MPP7: variants seen among roughly 807,000 people sequenced by gnomAD.
MPP7 encodes the protein MAGUK p55 scaffold protein 7, also known as MAGUK p55 subfamily member 7.
MPP7 carries 60 observed loss-of-function variants against 76.5 expected under a neutral mutation model. The ratio of observed to expected loss-of-function variants is 0.78; its 90% CI spans 0.64 to 0.97. The LOEUF (loss-of-function observed/expected upper bound fraction) is 0.97, where lower values mean the gene tolerates loss of function less well. MPP7 is among the 50% of genes least tolerant of loss of function. MPP7 has a pLI of 0.00. For missense variants in MPP7, 641 were observed against 694.0 expected (o/e 0.92, Z 0.86); for synonymous variants, 237 against 244.5 (o/e 0.97, Z 0.29).
intron 2 of MPP7, among the ~76,000 whole-genome samples, chr10:28,224,053 T>C (rs1210921751): frequency 4.6e-5 from 7 of 151,366 alleles, no homozygotes. Flanking sequence ...AAAATTAGCG[T>C]ACACGCCTAT....
chr10:28,276,296 G>A (rs980057230), intron 1 of MPP7, among the ~76,000 whole-genome samples: 4 of 152,084 alleles, frequency 2.6e-5, no homozygotes, highest in Non-Finnish European at 5.9e-5. Flanking sequence ...CTCCCAGAGT[G>A]CTGGGATTAC....
chr10:28,223,726 T>C (rs980646570), intron 2 of MPP7, among the ~76,000 whole-genome samples: 1 of 152,078 alleles, frequency 6.6e-6, no homozygotes, highest in African/African-American at 2.4e-5. Context: ...TGAGTATTTC[T>C]GATCTGAGTC....
At chr10:28,265,388 A>G (rs953452395) in intron 1 of MPP7, among the ~76,000 whole-genome samples, 62 of 152,228 alleles carry the variant, frequency 4.1e-4, no homozygotes, top group African/African-American at 1.4e-3. Context: ...GCGAAACCCC[A>G]TCTCCACAAA....
intron 2 of MPP7, among the ~76,000 whole-genome samples, chr10:28,211,462 TAGAG>T (rs962143389): frequency 6.8e-6 from 1 of 147,724 alleles, no homozygotes; most frequent in African/African-American, 2.5e-5. Context: ...TATATATATA[TAGAG>T]AGAGAGAGAG....
chr10:28,081,825 T>C (rs1852777385), intron 12 of MPP7, among the ~76,000 whole-genome samples: 1 of 151,370 alleles, frequency 6.6e-6, no homozygotes, highest in East Asian at 1.9e-4. Flanking sequence ...CAGTCTCGGC[T>C]CAGTGCAACC....
intron 7 of MPP7, among the ~76,000 whole-genome samples, 173 bp downstream of exon 7, chr10:28,124,837 G>A (rs912830202): frequency 2.6e-5 from 4 of 152,002 alleles, no homozygotes; most frequent in African/African-American, 9.7e-5. Context: ...ATAGAGTAAT[G>A]TTTATCTATC....
At chr10:28,142,449 G>A (rs778517368) in intron 5 of MPP7, among the ~76,000 whole-genome samples, 4 of 152,146 alleles carry the variant, frequency 2.6e-5, no homozygotes, top group African/African-American at 4.8e-5. Flanking sequence ...TATTAGTTGG[G>A]GCTGTGCATG....
chr10:28,071,456 C>G (rs747835458), intron 12 of MPP7, among the ~76,000 whole-genome samples: 1 of 152,146 alleles, frequency 6.6e-6, no homozygotes, highest in Non-Finnish European at 1.5e-5. Flanking sequence ...CTCCACACTG[C>G]TGTCCAGTAT....
intron 2 of MPP7, among the ~76,000 whole-genome samples, chr10:28,314,999 T>G (rs1841310224): frequency 6.6e-6 from 1 of 151,796 alleles, no homozygotes; most frequent in Admixed American, 6.6e-5. Context: ...AATATAAAAA[T>G]TAGCCAGGTG....
intron 1 of MPP7, among the ~76,000 whole-genome samples, chr10:28,268,906 G>A (rs1384703964): frequency 8.6e-5 from 13 of 151,010 alleles, no homozygotes; most frequent in Admixed American, 4.6e-4. Context: ...GCAACAGACC[G>A]AGACTCCGTC....
intron 2 of MPP7, among the ~76,000 whole-genome samples, chr10:28,321,948 CGTGTGTGTGTGTGTGTGTGTGT>C (rs3064171): frequency 7.0e-6 from 1 of 143,366 alleles, no homozygotes; most frequent in Non-Finnish European, 1.5e-5. Context: ...TTTTTGTAGA[CGTGTGTGTGTGTGTGTGTGTGT>C]GTGTGTGTGT....
rs532511933 is a variant in MPP7, at chr10:28,254,093, G to T, written c.-131-15358C>A. 2.9e-4 allele frequency among the ~76,000 whole-genome samples: 42 copies of T among 143,036 alleles called. 1 individual carries two copies. The highest frequency in any genetic ancestry group is 7.5e-3 in the Middle Eastern group (2 of 268). 93.8% of individuals were successfully genotyped at this position (143,036 alleles called of 152,430 possible). The stretch of plus-strand genomic sequence containing the variant: ...CATTCAATTGCACTATAATCTCCTT[G>T]AATTAACAAAATGGGACAATGTTTC... On this transcript the variant is annotated intron_variant, in intron 1 of 16. Coordinates refer to ENST00000683449, the MANE Select transcript of MPP7 (RefSeq NM_001318170.2).
chr10:28,163,118 G>A lies in MPP7; in HGVS notation c.157-13059C>T, dbSNP rs574368437. 3.3e-5 allele frequency among the ~76,000 whole-genome samples: 5 copies of A among 152,126 alleles called. No homozygotes were observed. The South Asian group carries it at 1.0e-3, about 32-fold the overall frequency. ...TGAGGGTAGTGAAGGGGTGGAGGAA[G>A]GCATGAATCCACCCAGCACACAGCA... On this transcript the variant is annotated intron_variant, in intron 3 of 16. Coordinates refer to ENST00000683449, the MANE Select transcript of MPP7 (RefSeq NM_001318170.2).
chr10:28,119,646 C>G lies in MPP7; in HGVS notation c.952+5G>C. The G allele has an allele frequency of 6.2e-7, 1 of 1,612,344 alleles. No individual in the cohort carries two copies. Among genetic ancestry groups the G allele is most frequent in the Non-Finnish European group, 8.5e-7 (1 of 1,178,580 alleles). On this transcript the variant is annotated splice_donor_5th_base_variant and intron_variant, in intron 11 of 16. Coordinates refer to ENST00000683449, the MANE Select transcript of MPP7 (RefSeq NM_001318170.2). ...GTTTCTCTGCATTCTTATTAACAAA[C>G]TTACATGATTTCCTGTTGGAAACTT...
intron 5 of MPP7, among the ~76,000 whole-genome samples, chr10:28,138,917 A>G (rs1178363968): frequency 7.2e-5 from 11 of 152,202 alleles, no homozygotes; most frequent in Non-Finnish European, 1.5e-5. Flanking sequence ...TTGCAATCAC[A>G]GTGCTATGTG....
At chr10:28,262,259 GTATATATATATAT>G (rs1840008669) in intron 1 of MPP7, among the ~76,000 whole-genome samples, 1 of 13,846 alleles carries the variant, frequency 7.2e-5, no homozygotes, top group South Asian at 6.3e-3. Context: ...ATATATATAT[GTATATATATATAT>G]ATATATTTTT....
intron 1 of MPP7, among the ~76,000 whole-genome samples, chr10:28,279,784 C>T (rs41406248): frequency 0.098 from 14,833 of 151,916 alleles, 921 homozygotes; most frequent in South Asian, 0.16. Flanking sequence ...AGTTTAAGGA[C>T]GGAATTCCTA....
intron 2 of MPP7, among the ~76,000 whole-genome samples, chr10:28,329,358 A>G (rs1327940747): frequency 6.6e-6 from 1 of 152,028 alleles, no homozygotes; most frequent in African/African-American, 2.4e-5. Flanking sequence ...AAAAACCACT[A>G]CTTTACACGC....
intron 5 of MPP7, among the ~76,000 whole-genome samples, chr10:28,143,584 T>TCACTCTTTCACCCA (rs1835599557): frequency 4.5e-4 from 68 of 151,694 alleles, no homozygotes; most frequent in Admixed American, 6.6e-4. Context: ...TTCCTATCTT[T>TCACTCTTTCACCCA]GTGGATCAAA....
Sources: allele counts gnomAD v4.1 joint callset (sites outside exome capture counted in the v4.1 genomes callset), GRCh38; gene constraint gnomAD v4.1.1; transcripts MANE v1.5; gene names NCBI Gene and HGNC (gene_info 2026-07-23, HGNC 2026-07-21).